The following IL1RAPL2 variants were observed in gnomAD, a reference collection of about 807,000 sequenced individuals.
The protein encoded by IL1RAPL2 is interleukin 1 receptor accessory protein like 2.
Under a neutral mutation model 44.1 loss-of-function variants are expected in IL1RAPL2, and 3 were observed. The observed-to-expected ratio is 0.07, with a 90% CI of 0.03 to 0.18. IL1RAPL2 has a LOEUF of 0.18. Among genes scored for constraint, IL1RAPL2 ranks in the 10% least tolerant of loss-of-function variants. IL1RAPL2 has a pLI of 1.00. For missense variants in IL1RAPL2, 391 were observed against 496.4 expected (o/e 0.79, Z 2.02); for synonymous variants, 181 against 178.8 (o/e 1.01, Z -0.10).
chrX:104,677,646 C>T (rs1930801263), intron 2 of IL1RAPL2, among the ~76,000 whole-genome samples: 1 of 112,705 alleles, frequency 8.9e-6, no homozygotes, highest in Admixed American at 9.3e-5. Flanking sequence ...TTCATGGCTG[C>T]TTTGTTTACC....
chrX:104,654,353 CT>C (rs1930211273), intron 1 of IL1RAPL2, among the ~76,000 whole-genome samples: 1 of 110,762 alleles, frequency 9.0e-6, no homozygotes, highest in Non-Finnish European at 1.9e-5. Flanking sequence ...TGAGAAAGGC[CT>C]TTTTGTGGGA....
chrX:105,081,870 G>C (rs748662357), intron 2 of IL1RAPL2, among the ~76,000 whole-genome samples: 1 of 112,013 alleles, frequency 8.9e-6, no homozygotes, highest in South Asian at 3.7e-4. Flanking sequence ...GCTGGATTTA[G>C]TTTGTCAGTA....
intron 2 of IL1RAPL2, among the ~76,000 whole-genome samples, chrX:105,107,745 C>A (rs1050696420): frequency 2.7e-5 from 3 of 111,391 alleles, no homozygotes; most frequent in African/African-American, 9.8e-5. Context: ...AATAAAAGGT[C>A]AAATCTGGCA....
At chrX:105,510,427 G>A (rs1427639401) in intron 6 of IL1RAPL2, among the ~76,000 whole-genome samples, 1 of 111,018 alleles carries the variant, frequency 9.0e-6, no homozygotes, top group East Asian at 2.9e-4. Flanking sequence ...GAAAAGCTAG[G>A]TATGAGTTTT....
At chrX:105,074,568 T>C (rs1396921246) in intron 2 of IL1RAPL2, among the ~76,000 whole-genome samples, 1 of 108,422 alleles carries the variant, frequency 9.2e-6, no homozygotes, top group Non-Finnish European at 1.9e-5. Flanking sequence ...TTTTTTCCAA[T>C]TCTGTGAAGA....
chrX:105,339,051 C>T (rs2035050998), intron 5 of IL1RAPL2, among the ~76,000 whole-genome samples: 1 of 111,636 alleles, frequency 9.0e-6, no homozygotes, highest in Non-Finnish European at 1.9e-5. Context: ...TGCAGTGAGC[C>T]AATATGGCAC....
intron 5 of IL1RAPL2, among the ~76,000 whole-genome samples, chrX:105,367,031 T>C (rs902722344): frequency 8.9e-6 from 1 of 111,883 alleles, no homozygotes; most frequent in Non-Finnish European, 1.9e-5. Context: ...TATATATACT[T>C]GCAATTGTTA....
intron 2 of IL1RAPL2, among the ~76,000 whole-genome samples, chrX:104,837,961 C>T (rs1921787087): frequency 8.9e-6 from 1 of 111,759 alleles, no homozygotes; most frequent in African/African-American, 3.3e-5. Flanking sequence ...ACCAGTTTTC[C>T]CAGGACCATT....
intron 2 of IL1RAPL2, among the ~76,000 whole-genome samples, chrX:104,914,124 A>T (rs774118325): frequency 8.9e-6 from 1 of 111,875 alleles, no homozygotes; most frequent in South Asian, 3.7e-4. Context: ...CTAGCTTCAC[A>T]CTAGACCTGC....
chrX:105,468,105 C>T (rs1023152173), intron 5 of IL1RAPL2, among the ~76,000 whole-genome samples: 5 of 111,790 alleles, frequency 4.5e-5, no homozygotes, highest in East Asian at 2.8e-4. Flanking sequence ...TCATACAAAA[C>T]GCTAGCACGT....
chrX:105,061,019 T>A (rs1006888039), intron 2 of IL1RAPL2, among the ~76,000 whole-genome samples: 3 of 111,578 alleles, frequency 2.7e-5, no homozygotes, highest in African/African-American at 9.7e-5. Flanking sequence ...GTCTTTTGTA[T>A]TATTTTTTTA....
chrX:105,357,454 T>C (rs1009570079), intron 5 of IL1RAPL2, among the ~76,000 whole-genome samples: 1 of 111,797 alleles, frequency 8.9e-6, no homozygotes, highest in Non-Finnish European at 1.9e-5. Flanking sequence ...TGACAAAAAT[T>C]ACACTTTTTC....
intron 2 of IL1RAPL2, among the ~76,000 whole-genome samples, chrX:105,010,476 A>G (rs905208928): frequency 8.9e-6 from 1 of 111,824 alleles, no homozygotes; most frequent in African/African-American, 3.2e-5. Context: ...TAATGTTTAT[A>G]TATTAGAAGG....
chrX:105,419,010 C>A (rs1316359436), intron 5 of IL1RAPL2, among the ~76,000 whole-genome samples: 1 of 111,756 alleles, frequency 8.9e-6, no homozygotes, highest in Admixed American at 9.6e-5. Context: ...CACTGCATCA[C>A]CTAGTTAGAA....
chrX:105,356,185 G>A (rs918706810), intron 5 of IL1RAPL2, among the ~76,000 whole-genome samples: 2 of 87,811 alleles, frequency 2.3e-5, no homozygotes, highest in Non-Finnish European at 3.8e-5. Flanking sequence ...TGTGTGTGTG[G>A]TTTGTTTCTT....
At chrX:105,641,862 A>G (rs1341778676) in intron 6 of IL1RAPL2, among the ~76,000 whole-genome samples, 1 of 111,647 alleles carries the variant, frequency 9.0e-6, no homozygotes, top group African/African-American at 3.3e-5. Context: ...TGTAATTGAA[A>G]ACATGGGTGT....
rs185590172 is a variant in IL1RAPL2, at chrX:105,244,851, A to G, written c.543+10847A>G. Among the ~76,000 whole-genome samples, 507 of 112,480 alleles carry G rather than the reference A, an allele frequency of 4.5e-3. 4 individuals carry two copies. Among genetic ancestry groups the G allele is most frequent in the South Asian group, 0.018 (49 of 2,720 alleles). On this transcript the variant is annotated intron_variant, in intron 4 of 10. Coordinates refer to ENST00000372582, the MANE Select transcript of IL1RAPL2 (RefSeq NM_017416.2). ...TCCAGTGCAGCCGTGTGTTAGAAGAAGATTTATGGACAGAAAAAGTAAAGT... is the reference window on the plus strand; with the variant it reads ...TCCAGTGCAGCCGTGTGTTAGAAGAGGATTTATGGACAGAAAAAGTAAAGT...
intron 2 of IL1RAPL2, among the ~76,000 whole-genome samples, chrX:105,031,656 T>C (rs894799685): frequency 4.5e-5 from 5 of 111,971 alleles, no homozygotes; most frequent in Non-Finnish European, 9.4e-5. Context: ...CAGTATTTTA[T>C]TGAGGATTTT....
At chrX:105,354,899 G>T (rs2035189567) in intron 5 of IL1RAPL2, among the ~76,000 whole-genome samples, 1 of 111,183 alleles carries the variant, frequency 9.0e-6, no homozygotes, top group Non-Finnish European at 1.9e-5. Flanking sequence ...CCCCTCCTAT[G>T]CTCTCCATTT....
Sources: gnomAD v4.1 joint callset for allele counts (sites outside exome capture counted in the v4.1 genomes callset) on GRCh38, gnomAD v4.1.1 for gene constraint, MANE v1.5 for transcripts, NCBI Gene and HGNC (gene_info 2026-07-23, HGNC 2026-07-21) for gene names.